The following SETD2 variants were observed in gnomAD, a reference collection of about 807,000 sequenced individuals.
SETD2 encodes SET domain containing 2, histone lysine methyltransferase.
A neutral mutation model predicts 242.1 loss-of-function variants in SETD2; 31 were observed. The ratio of observed to expected loss-of-function variants is 0.13; its 90% CI spans 0.10 to 0.17. SETD2 has a LOEUF of 0.17. Among genes scored for constraint, SETD2 ranks in the 10% least tolerant of loss-of-function variants. The probability of loss-of-function intolerance (pLI) is 1.00; values close to 1 mark genes in which losing one functional copy is unlikely to be tolerated. For synonymous variants in SETD2, 1,006 were observed against 1,066.5 expected, an observed-to-expected ratio of 0.94 and a Z score of 1.11; for missense variants, 2,481 against 3,046.3, an observed-to-expected ratio of 0.81 and a Z score of 4.37.
chr3:47,019,172 C>T (rs2038108255), intron 19 of SETD2, among the ~76,000 whole-genome samples: 1 of 152,156 alleles, frequency 6.6e-6, no homozygotes, highest in Non-Finnish European at 1.5e-5. Context: ...TCTCCCAAGC[C>T]CTGGAGAATT....
intron 18 of SETD2, 118 bp from the exon 19 acceptor site, chr3:47,019,958 G>A (rs1559636327): frequency 3.5e-6 from 3 of 858,738 alleles, no homozygotes; most frequent in Non-Finnish European, 5.8e-6. Context: ...CTTGGTATTA[G>A]AATCCGTTTA....
intron 14 of SETD2, among the ~76,000 whole-genome samples, chr3:47,058,858 G>A (rs376630837): frequency 1.3e-5 from 2 of 151,308 alleles, no homozygotes; most frequent in African/African-American, 4.9e-5. Flanking sequence ...GCAGTGGCGC[G>A]ATCTCTGTTC....
intron 18 of SETD2, 74 bp from the exon 19 acceptor site, chr3:47,019,914 C>A: frequency 7.9e-7 from 1 of 1,264,370 alleles, no homozygotes; most frequent in Non-Finnish European, 1.2e-6. Flanking sequence ...GTCCCAGAAC[C>A]CTCCTTTCTT....
At chr3:47,155,274 T>G (rs2044101295) in intron 1 of SETD2, among the ~76,000 whole-genome samples, 2 of 152,220 alleles carry the variant, frequency 1.3e-5, no homozygotes, top group Admixed American at 1.3e-4. Context: ...TGTATATTGA[T>G]TATCTAAGAC....
intron 1 of SETD2, among the ~76,000 whole-genome samples, chr3:47,144,465 C>T (rs572341282): frequency 2.0e-5 from 3 of 151,914 alleles, no homozygotes; most frequent in East Asian, 1.9e-4. Flanking sequence ...GGTGAAACCC[C>T]GTCTCTGCTA....
intron 16 of SETD2, 104 bp from the exon 17 acceptor site, chr3:47,042,804 C>G (rs763856918): frequency 8.4e-5 from 86 of 1,023,408 alleles, no homozygotes; most frequent in Admixed American, 3.2e-4. Flanking sequence ...CATCTACCTC[C>G]TCTTAAAAAA....
chr3:47,081,344 T>A (rs901566665), intron 12 of SETD2, among the ~76,000 whole-genome samples: 1 of 152,200 alleles, frequency 6.6e-6, no homozygotes, highest in Non-Finnish European at 1.5e-5. Context: ...TGGGGAGACT[T>A]GAAATGGCCA....
chr3:47,045,338 C>T (rs1170078185), intron 16 of SETD2, among the ~76,000 whole-genome samples: 2 of 151,682 alleles, frequency 1.3e-5, no homozygotes, highest in Admixed American at 1.3e-4. Context: ...GCTAACACAG[C>T]GAAACCCCGT....
chr3:47,048,375 C>T (rs145886959), intron 15 of SETD2, among the ~76,000 whole-genome samples: 6,477 of 151,932 alleles, frequency 0.043, 467 homozygotes, highest in African/African-American at 0.15. Flanking sequence ...GGCAACAGAG[C>T]GAGATGCCGT....
chr3:47,124,271 T>G lies in SETD2; in HGVS notation c.365A>C (p.Asp122Ala). Reference sequence around the variant, plus strand: ...AGATTCTTCTGCAGTAGATAAGGTATCACCAATTTCCATTTTCATTTTAGG... The same window carrying G: ...AGATTCTTCTGCAGTAGATAAGGTAGCACCAATTTCCATTTTCATTTTAGG... ...STPKMKMEIG[D>A]TLSTAEESSP... Residue 122 changes from aspartate to alanine, a missense_variant, in exon 3 of 21, where the codon GAT becomes GCT. Around this residue, in one of 17 missense-constraint regions of SETD2, gnomAD observed 334 missense variants for 374.5 expected, o/e 0.89. Coordinates refer to ENST00000409792, the MANE Select transcript of SETD2 (RefSeq NM_014159.7). The G allele has an allele frequency of 6.4e-7, 1 of 1,551,754 alleles. No individual in the cohort carries two copies. The highest frequency in any genetic ancestry group is 8.7e-7 in the Non-Finnish European group (1 of 1,147,004).
chr3:47,125,543 G>A (rs1009232809), intron 2 of SETD2, among the ~76,000 whole-genome samples: 2 of 152,130 alleles, frequency 1.3e-5, no homozygotes, highest in African/African-American at 4.8e-5. Context: ...CTGATACAGA[G>A]GAACTTCCCA....
chr3:47,124,259 G>A lies in SETD2; in HGVS notation c.377C>T (p.Thr126Ile), dbSNP rs1474691499. ...CTTTGGTGGGGAAGATTCTTCTGCA[G>A]TAGATAAGGTATCACCAATTTCCAT... ...MKMEIGDTLS[T>I]AEESSPPKSR... is the part of the protein sequence containing the mutation. The change falls in exon 3 of 21, where the codon ACT becomes ATT. Residue 126 changes from threonine (T) to isoleucine (I), a missense_variant. Coordinates refer to ENST00000409792, the MANE Select transcript of SETD2 (RefSeq NM_014159.7). The A allele has an allele frequency of 6.4e-7, 1 of 1,551,630 alleles. No individual in the cohort carries two copies. Among genetic ancestry groups the A allele is most frequent in the East Asian group, 2.4e-5 (1 of 40,934 alleles).
chr3:47,095,506 C>T (rs954313162), intron 9 of SETD2, among the ~76,000 whole-genome samples: 23 of 152,038 alleles, frequency 1.5e-4, no homozygotes, highest in African/African-American at 5.3e-4. Context: ...TCTGGTAAAC[C>T]ATGAATTATA....
intron 15 of SETD2, among the ~76,000 whole-genome samples, chr3:47,054,378 A>G (rs554711884): frequency 6.6e-6 from 1 of 152,298 alleles, no homozygotes. Flanking sequence ...TCTTTAATGG[A>G]TATCTTTCAT....
intron 12 of SETD2, among the ~76,000 whole-genome samples, chr3:47,075,216 T>C (rs906390602): frequency 5.3e-5 from 8 of 151,814 alleles, no homozygotes; most frequent in African/African-American, 1.9e-4. Context: ...TCTATGACAT[T>C]AGAATGAATT....
rs761133077 is a variant in SETD2, at chr3:47,019,731, GCTTAGTGCTTATATCCACCAAAC to G, written c.7431+6_7431+28del. ...AAGGGTTCAGATTTAAGCCTGAGGA[GCTTAGTGCTTATATCCACCAAAC>G]CTTACCTCTTTTCTGAATACTTCTT... On this transcript the variant is annotated splice_donor_region_variant and intron_variant, in intron 19 of 20. Transcript: ENST00000409792. The G allele has an allele frequency of 1.5e-5, 23 of 1,566,678 alleles. No individual in the cohort carries two copies. Among genetic ancestry groups the G allele is most frequent in the Admixed American group, 5.0e-5 (3 of 59,904 alleles).
At chr3:47,116,368 G>T (rs952602903) in intron 4 of SETD2, among the ~76,000 whole-genome samples, 14 of 152,100 alleles carry the variant, frequency 9.2e-5, no homozygotes, top group Non-Finnish European at 1.8e-4. Context: ...GTACTGAATA[G>T]AAATTAATAT....
intron 1 of SETD2, among the ~76,000 whole-genome samples, chr3:47,146,990 AATAAATGAGAGCTGTAACATATTT>A (rs1490995495): frequency 2.0e-5 from 3 of 151,970 alleles, no homozygotes; most frequent in Admixed American, 2.0e-4. Flanking sequence ...GTTTATACTC[AATAAATGAGAGCTGTAACATATTT>A]GTTTTTGTTT....
intron 12 of SETD2, among the ~76,000 whole-genome samples, chr3:47,073,004 C>G (rs1468479019): frequency 6.7e-6 from 1 of 149,402 alleles, no homozygotes; most frequent in African/African-American, 2.5e-5. Flanking sequence ...GAAAAAATTA[C>G]CTGGGCATGG....
Sources: allele counts gnomAD v4.1 joint callset (sites outside exome capture counted in the v4.1 genomes callset), GRCh38; gene constraint gnomAD v4.1.1; regional missense constraint gnomAD v4.1.1; transcripts MANE v1.5; gene names NCBI Gene and HGNC (gene_info 2026-07-23, HGNC 2026-07-21).